The following SCHIP1 variants were observed in gnomAD, a reference collection of about 807,000 sequenced individuals.
The protein encoded by SCHIP1 is schwannomin-interacting protein 1.
A neutral mutation model predicts 29.7 loss-of-function variants in SCHIP1; 8 were observed. The ratio of observed to expected loss-of-function variants is 0.27; its 90% CI spans 0.16 to 0.49. The LOEUF (loss-of-function observed/expected upper bound fraction) is 0.49. Ranked by LOEUF, SCHIP1 falls within the 20% of genes least tolerant of loss-of-function variation. The probability of loss-of-function intolerance (pLI) is 0.99; values close to 1 mark genes in which losing one functional copy is unlikely to be tolerated. For synonymous variants in SCHIP1, 76 were observed against 94.9 expected, an observed-to-expected ratio of 0.80 and a Z score of 1.16; for missense variants, 193 against 294.6, an observed-to-expected ratio of 0.66 and a Z score of 2.52.
At chr3:159,312,887 A>G in the SCHIP1 span, among the ~76,000 whole-genome samples, 1 of 152,238 alleles carries the variant, frequency 6.6e-6, no homozygotes, top group Non-Finnish European at 1.5e-5. Context: ...TCAACAGGGA[A>G]AAACAGATAA....
the SCHIP1 span, among the ~76,000 whole-genome samples, chr3:159,304,591 A>G: frequency 6.6e-6 from 1 of 152,204 alleles, no homozygotes; most frequent in Non-Finnish European, 1.5e-5. Flanking sequence ...TTTTTCACAT[A>G]AACATACACA....
chr3:159,867,841 T>G (rs1439101300), intron 2 of SCHIP1, among the ~76,000 whole-genome samples: 9 of 152,022 alleles, frequency 5.9e-5, no homozygotes, highest in Admixed American at 5.9e-4. Flanking sequence ...CCATATCATC[T>G]TATAGATCTC....
chr3:159,805,092 A>G, the SCHIP1 span, among the ~76,000 whole-genome samples: 1 of 152,192 alleles, frequency 6.6e-6, no homozygotes, highest in African/African-American at 2.4e-5. Flanking sequence ...GGGATGGGAT[A>G]ATGAGCCACA....
At chr3:159,406,391 A>G in the SCHIP1 span, among the ~76,000 whole-genome samples, 3 of 152,222 alleles carry the variant, frequency 2.0e-5, no homozygotes, top group African/African-American at 7.2e-5. Flanking sequence ...GGCAAAAAAT[A>G]TTCTTCAAAC....
chr3:159,671,456 C>T, the SCHIP1 span, among the ~76,000 whole-genome samples: 1 of 152,168 alleles, frequency 6.6e-6, no homozygotes, highest in African/African-American at 2.4e-5. Context: ...TGCCTCACTC[C>T]CAAGGCTCTT....
At chr3:159,662,068 G>T in the SCHIP1 span, among the ~76,000 whole-genome samples, 2 of 152,036 alleles carry the variant, frequency 1.3e-5, no homozygotes, top group South Asian at 2.1e-4. Context: ...AGTCACCCCT[G>T]GTCACCTGCT....
At chr3:159,724,458 G>C in the SCHIP1 span, among the ~76,000 whole-genome samples, 3 of 152,154 alleles carry the variant, frequency 2.0e-5, no homozygotes, top group Non-Finnish European at 4.4e-5. Flanking sequence ...GGCATTCATA[G>C]AGACTTTCAA....
chr3:159,760,089 G>T, the SCHIP1 span, among the ~76,000 whole-genome samples: 1 of 149,342 alleles, frequency 6.7e-6, no homozygotes, highest in African/African-American at 2.5e-5. Flanking sequence ...GCAGGGGGGT[G>T]GGGGGGATAT....
At chr3:159,887,897 G>A (rs374936898) in exon 4 of SCHIP1, 13 of 1,613,808 alleles carry the variant, frequency 8.1e-6, no homozygotes, top group East Asian at 4.5e-5. Flanking sequence ...GTCTCCCGTC[G>A]CTGATCTTGT....
At chr3:159,457,478 G>A in the SCHIP1 span, among the ~76,000 whole-genome samples, 1 of 151,844 alleles carries the variant, frequency 6.6e-6, no homozygotes, top group Admixed American at 6.6e-5. Context: ...TTCATTTACT[G>A]AGCAGGTATG....
chr3:159,724,024 A>T, the SCHIP1 span, among the ~76,000 whole-genome samples: 1 of 152,176 alleles, frequency 6.6e-6, no homozygotes, highest in African/African-American at 2.4e-5. Flanking sequence ...GAGTTGAACC[A>T]GTTTATTTTC....
the SCHIP1 span, among the ~76,000 whole-genome samples, chr3:159,534,845 A>G: frequency 6.6e-6 from 1 of 152,154 alleles, no homozygotes; most frequent in Admixed American, 6.5e-5. Flanking sequence ...AGAAAATGTA[A>G]TCCACAGTTT....
At chr3:159,620,143 C>T in the SCHIP1 span, among the ~76,000 whole-genome samples, 1 of 152,126 alleles carries the variant, frequency 6.6e-6, no homozygotes. Context: ...GAGTTCTTAC[C>T]CTCTGTGCTT....
chr3:159,576,314 T>G, the SCHIP1 span, among the ~76,000 whole-genome samples: 323 of 152,332 alleles, frequency 2.1e-3, 11 homozygotes, highest in East Asian at 0.053. Context: ...TATTTTCTCT[T>G]AGCACTCTGA....
the SCHIP1 span, among the ~76,000 whole-genome samples, chr3:159,589,609 A>C: frequency 1.3e-5 from 2 of 152,186 alleles, no homozygotes; most frequent in Non-Finnish European, 2.9e-5. Context: ...AATTTTAAAT[A>C]GATGTCTATT....
At chr3:159,627,865 G>A in the SCHIP1 span, among the ~76,000 whole-genome samples, 3,236 of 152,294 alleles carry the variant, frequency 0.021, 63 homozygotes, top group African/African-American at 0.049. Flanking sequence ...TGACTCTTAC[G>A]TGGTTTTGGA....
chr3:159,748,192 A>G, the SCHIP1 span, among the ~76,000 whole-genome samples: 1 of 152,194 alleles, frequency 6.6e-6, no homozygotes, highest in Non-Finnish European at 1.5e-5. Context: ...AATGTTGCCA[A>G]TTATAATTGC....
the SCHIP1 span, among the ~76,000 whole-genome samples, chr3:159,623,784 T>C: frequency 7.1e-6 from 1 of 140,660 alleles, no homozygotes; most frequent in Non-Finnish European, 1.5e-5. Context: ...GAATGTAGTG[T>C]ACCCCATAAA....
chr3:159,835,682 G>A (rs1743589813), upstream of SCHIP1, among the ~76,000 whole-genome samples: 1 of 152,112 alleles, frequency 6.6e-6, no homozygotes, highest in African/African-American at 2.4e-5. Flanking sequence ...TTTATTCAAT[G>A]TGTATTGACA....
Sources: allele counts gnomAD v4.1 joint callset (sites outside exome capture counted in the v4.1 genomes callset), GRCh38; gene constraint gnomAD v4.1.1; transcripts MANE v1.5; gene names NCBI Gene and HGNC (gene_info 2026-07-23, HGNC 2026-07-21).